Variants in AGAP1 observed in about 807,000 individuals in gnomAD.
AGAP1 encodes the protein ArfGAP with GTPase domain, ankyrin repeat and PH domain 1.
Under a neutral mutation model 105.3 loss-of-function variants are expected in AGAP1, and 29 were observed. The ratio of observed to expected loss-of-function variants is 0.28; its 90% CI spans 0.21 to 0.38. AGAP1 has a LOEUF of 0.38. AGAP1 is among the 10% of genes least tolerant of loss of function. The pLI, the probability that AGAP1 is intolerant of heterozygous loss-of-function variation, is 1.00. For synonymous variants in AGAP1, 509 were observed against 485.9 expected, an observed-to-expected ratio of 1.05 and a Z score of -0.63; for missense variants, 998 against 1,165.1, an observed-to-expected ratio of 0.86 and a Z score of 2.09.
chr2:236,002,737 G>C lies in AGAP1; in HGVS notation c.1646-33824G>C, dbSNP rs1300127233. Among the ~76,000 whole-genome samples, 3 of 152,118 alleles carry C rather than the reference G, an allele frequency of 2.0e-5. No individual in the cohort carries two copies. In the East Asian group the frequency reaches 5.8e-4, roughly 29 times the overall value. ...TCCCCCTGAAAAGCGAGATTTCATA[G>C]AAGTATTGAATTTTACCAAAAGTTT... On this transcript the variant is annotated intron_variant, in intron 13 of 17. Transcript: ENST00000304032. The surrounding 1 kb of genome is among the most constrained non-coding windows in gnomAD (Gnocchi z 4.3).
chr2:235,666,935 A>G (rs1290409406), intron 1 of AGAP1, among the ~76,000 whole-genome samples: 1 of 152,054 alleles, frequency 6.6e-6, no homozygotes, highest in Admixed American at 6.5e-5. Flanking sequence ...CACCTGGCTA[A>G]GTTAGGAGCC....
At position 236,036,994 on chromosome 2, in the gene AGAP1, T is replaced by G. The variant is rs1228602548; in HGVS notation, c.1800+279T>G. 1.3e-5 allele frequency among the ~76,000 whole-genome samples: 2 copies of G among 152,230 alleles called. No homozygotes were observed. The highest frequency in any genetic ancestry group is 2.4e-5 in the African/African-American group (1 of 41,466). On this transcript the variant is annotated intron_variant, in intron 14 of 17. Coordinates refer to ENST00000304032, the MANE Select transcript of AGAP1 (RefSeq NM_001037131.3). This position sits in a 1 kb window ranked among gnomAD's most constrained non-coding sequence, Gnocchi z 5.7. ...TCCCAGAGGGAATCTTTTGGACTCTTGTGGCTTCTGGGTCCACATTTATTT... is the reference window on the plus strand; with the variant it reads ...TCCCAGAGGGAATCTTTTGGACTCTGGTGGCTTCTGGGTCCACATTTATTT...
chr2:235,927,825 A>G lies in AGAP1; in HGVS notation c.1325-2940A>G, dbSNP rs573404685. On this transcript the variant is annotated intron_variant, in intron 11 of 17. Transcript: ENST00000304032. This position sits in a 1 kb window ranked among gnomAD's most constrained non-coding sequence, Gnocchi z 4.4. ...GTGCTCTATTGAGTGCCATGTTGTC[A>G]TCGTTGTCCCAAAGATGGAGGGACA... Among the ~76,000 whole-genome samples, 56 of 152,334 alleles carry G rather than the reference A, an allele frequency of 3.7e-4. No individual in the cohort carries two copies. The highest frequency in any genetic ancestry group is 1.3e-3 in the African/African-American group (53 of 41,580).
chr2:235,730,488 A>AC (rs902519417), intron 3 of AGAP1, among the ~76,000 whole-genome samples: 5 of 150,786 alleles, frequency 3.3e-5, no homozygotes, highest in Non-Finnish European at 5.9e-5. Context: ...AAAAAAAAAA[A>AC]AAAAAAAAAA....
chr2:235,766,352 C>T (rs1482274743), intron 6 of AGAP1, among the ~76,000 whole-genome samples: 3 of 152,172 alleles, frequency 2.0e-5, no homozygotes, highest in East Asian at 3.8e-4. Context: ...CCATGAAGCA[C>T]AGTGTATGCA....
chr2:235,494,720 G>T lies in AGAP1; in HGVS notation c.34G>T (p.Ala12Ser). The T allele has an allele frequency of 1.9e-6, 3 of 1,558,238 alleles. No individual in the cohort carries two copies. Among genetic ancestry groups the T allele is most frequent in the Non-Finnish European group, 2.6e-6 (3 of 1,152,122 alleles). ...NYQQQLANSA[A>S]IRAEIQRFES... ...CCAGCAGCAGCTGGCCAACTCGGCT[G>T]CCATCCGGGCCGAGATCCAGCGCTT... Residue 12 changes from alanine to serine, a missense_variant, in exon 1 of 18, where the codon GCC becomes TCC. By Grantham distance (99) the Ala-to-Ser change is moderately conservative. This residue lies in a region of AGAP1 where 735 missense variants were observed against 833.4 expected (regional missense o/e 0.88). Transcript: ENST00000304032.
chr2:235,895,222 A>G (rs2050745795), intron 10 of AGAP1, among the ~76,000 whole-genome samples: 1 of 152,096 alleles, frequency 6.6e-6, no homozygotes, highest in South Asian at 2.1e-4. Flanking sequence ...TCACCTTGTG[A>G]TTCTCATCAT....
Position 235,934,697 on chromosome 2 carries a change from G to A in AGAP1, c.1483+3774G>A, listed in dbSNP as rs1377605201. On this transcript the variant is annotated intron_variant, in intron 12 of 17. Transcript: ENST00000304032. The surrounding 1 kb of genome is among the most constrained non-coding windows in gnomAD (Gnocchi z 4.9). ...CCCTGCCCCCACTTCCTTTTCGAATGTATCTGCCCCCATCCCTAGTCTTTG... is the reference window on the plus strand; with the variant it reads ...CCCTGCCCCCACTTCCTTTTCGAATATATCTGCCCCCATCCCTAGTCTTTG... 6.6e-6 allele frequency among the ~76,000 whole-genome samples: 1 copy of A among 151,806 alleles called. No individual in the cohort carries two copies. Among genetic ancestry groups the A allele is most frequent in the Non-Finnish European group, 1.5e-5 (1 of 67,984 alleles).
At chr2:236,025,908 G>GTGGGTGGGTGGGTGGGTGGTTGGATGGA (rs547504974) in intron 13 of AGAP1, among the ~76,000 whole-genome samples, 1 of 100,314 alleles carries the variant, frequency 1.0e-5, no homozygotes, top group Non-Finnish European at 1.9e-5. Context: ...TCTCGGGTGG[G>GTGGGTGGGTGGGTGGGTGGTTGGATGGA]TGGATGGATG....
chr2:235,577,967 G>A lies in AGAP1; in HGVS notation c.163+83118G>A, dbSNP rs367912404. 1.3e-5 allele frequency among the ~76,000 whole-genome samples: 2 copies of A among 152,080 alleles called. No homozygotes were observed. The highest frequency in any genetic ancestry group is 2.9e-5 in the Non-Finnish European group (2 of 68,014). ...CAAGGGAGCAGTGTCTGCACAGGGG[G>A]TCTGGATCGCACCCGACACCATCCA... On this transcript the variant is annotated intron_variant, in intron 1 of 17. Coordinates refer to ENST00000304032, the MANE Select transcript of AGAP1 (RefSeq NM_001037131.3). The surrounding 1 kb of genome is among the most constrained non-coding windows in gnomAD (Gnocchi z 4.5).
chr2:235,680,207 A>G (rs1362113064), intron 1 of AGAP1, among the ~76,000 whole-genome samples: 2 of 152,250 alleles, frequency 1.3e-5, no homozygotes, highest in East Asian at 1.9e-4. Flanking sequence ...AATTAAATAT[A>G]TATTCATAGA....
intron 10 of AGAP1, among the ~76,000 whole-genome samples, chr2:235,884,051 G>A (rs1162821077): frequency 2.0e-5 from 3 of 152,152 alleles, no homozygotes; most frequent in Non-Finnish European, 4.4e-5. Context: ...TCTACCCATT[G>A]ATAAAATATA....
At chr2:235,820,934 T>C (rs1958752980) in intron 9 of AGAP1, among the ~76,000 whole-genome samples, 1 of 152,156 alleles carries the variant, frequency 6.6e-6, no homozygotes, top group African/African-American at 2.4e-5. Context: ...GTTGTGGAAA[T>C]GCACTGCTAT....
intron 6 of AGAP1, among the ~76,000 whole-genome samples, chr2:235,781,725 C>G (rs1314279455): frequency 6.6e-6 from 1 of 152,048 alleles, no homozygotes; most frequent in Non-Finnish European, 1.5e-5. Flanking sequence ...AAGGGTAAGG[C>G]CTGAGCCAAT....
At chr2:236,034,188 A>G (rs2057309799) in intron 13 of AGAP1, among the ~76,000 whole-genome samples, 1 of 152,242 alleles carries the variant, frequency 6.6e-6, no homozygotes, top group Admixed American at 6.5e-5. Context: ...TTAAAAGCCC[A>G]TGGATCAAGA....
At position 235,793,520 on chromosome 2, in the gene AGAP1, C is replaced by T. The variant is rs545225776; in HGVS notation, c.674-4239C>T. The stretch of plus-strand genomic sequence containing the variant: ...CACATGGTGGTGTCATGAGCAGTCC[C>T]AGAGCCGTCGGATTGCTCTGGTGCA... On this transcript the variant is annotated intron_variant, in intron 6 of 17. Coordinates refer to ENST00000304032, the MANE Select transcript of AGAP1 (RefSeq NM_001037131.3). This position sits in a 1 kb window ranked among gnomAD's most constrained non-coding sequence, Gnocchi z 5.3. Among the ~76,000 whole-genome samples, 3 of 152,288 alleles carry T rather than the reference C, an allele frequency of 2.0e-5. No homozygotes were observed. In the East Asian group the frequency reaches 5.8e-4, roughly 29 times the overall value.
rs566465589 is a variant in AGAP1, at chr2:235,872,852, A to G, written c.1051-10493A>G. Among the ~76,000 whole-genome samples the G allele has an allele frequency of 6.6e-6, 1 of 152,308 alleles. No individual in the cohort carries two copies. The highest frequency in any genetic ancestry group is 2.1e-4 in the South Asian group (1 of 4,822). On this transcript the variant is annotated intron_variant, in intron 9 of 17. Coordinates refer to ENST00000304032, the MANE Select transcript of AGAP1 (RefSeq NM_001037131.3). The surrounding 1 kb of genome is among the most constrained non-coding windows in gnomAD (Gnocchi z 4.5). ...AGGGGCGTCCCATGGTCGAACTGGA[A>G]CTTGCTTTGGGAAGAGTGTGGACTA...
intron 1 of AGAP1, chr2:235,670,449 C>A: frequency 1.8e-6 from 1 of 546,774 alleles, no homozygotes; most frequent in Non-Finnish European, 3.3e-6. Flanking sequence ...GGCCTGGAAC[C>A]CGCGGACCTG....
chr2:235,756,341 T>C (rs975595074), intron 6 of AGAP1, among the ~76,000 whole-genome samples: 30 of 152,206 alleles, frequency 2.0e-4, no homozygotes, highest in African/African-American at 7.0e-4. Flanking sequence ...ACCCTAACTT[T>C]TATTGGGCAT....
Sources: gnomAD v4.1 joint callset for allele counts (sites outside exome capture counted in the v4.1 genomes callset) on GRCh38, gnomAD v4.1.1 for gene constraint, gnomAD v4.1.1 regional missense constraint, Gnocchi (gnomAD v3.1) non-coding constraint, MANE v1.5 for transcripts, NCBI Gene and HGNC (gene_info 2026-07-23, HGNC 2026-07-21) for gene names.